The following KLRD1 variants were observed in gnomAD, a reference collection of about 807,000 sequenced individuals.
KLRD1 encodes killer cell lectin like receptor D1.
In KLRD1, 21 loss-of-function variants were observed where a neutral mutation model predicts 22.6. The observed-to-expected ratio is 0.93, with a 90% confidence interval of 0.66 to 1.34. The LOEUF (loss-of-function observed/expected upper bound fraction) is 1.34, where lower values mean the gene tolerates loss of function less well. Ranked by LOEUF, KLRD1 falls within the 40% of genes most tolerant of loss-of-function variation. The probability of loss-of-function intolerance (pLI) is 0.00; values close to 1 mark genes in which losing one functional copy is unlikely to be tolerated. For synonymous variants in KLRD1, 59 were observed against 71.1 expected, an observed-to-expected ratio of 0.83 and a Z score of 0.85; for missense variants, 183 against 208.6, an observed-to-expected ratio of 0.88 and a Z score of 0.76.
At chr12:10,307,277 G>A (rs1042256101), upstream of KLRD1, among the ~76,000 whole-genome samples, 9 of 152,168 alleles carry the variant, frequency 5.9e-5, no homozygotes, top group Non-Finnish European at 1.3e-4. Flanking sequence ...TTAAGAAAAT[G>A]AAAATTGAGG....
At chr12:10,305,328 G>C (rs540945940), upstream of KLRD1, among the ~76,000 whole-genome samples, 1 of 152,302 alleles carries the variant, frequency 6.6e-6, no homozygotes, top group African/African-American at 2.4e-5. Flanking sequence ...AGTGAAGCTG[G>C]ATATTTCAGC....
intron 1 of KLRD1, among the ~76,000 whole-genome samples, chr12:10,260,945 AAAC>A (rs781551396): frequency 5.2e-4 from 68 of 130,304 alleles, no homozygotes; most frequent in Admixed American, 7.3e-4. Flanking sequence ...CCATCACAAA[AAAC>A]AACAACAACA....
chr12:10,273,260 A>T (rs557417326), intron 1 of KLRD1, among the ~76,000 whole-genome samples: 1 of 152,186 alleles, frequency 6.6e-6, no homozygotes, highest in Non-Finnish European at 1.5e-5. Context: ...TCCATGATAC[A>T]TTAAGTGGAA....
chr12:10,329,419 A>C lies in KLRD1; in HGVS notation c.*14626A>C, dbSNP rs1029367968. On this transcript the variant is annotated 3_prime_UTR_variant, in exon 6 of 6. Coordinates refer to ENST00000336164, the MANE Select transcript of KLRD1 (RefSeq NM_002262.5). ...TTCTTAAGACTTCTTTTATGACCTAACATATGATCTATCCTGCAGAATGAT... is the reference window on the plus strand; with the variant it reads ...TTCTTAAGACTTCTTTTATGACCTACCATATGATCTATCCTGCAGAATGAT... The C allele has an allele frequency of 5.9e-5, 9 of 152,266 alleles. No individual in the cohort carries two copies. The highest frequency in any genetic ancestry group is 2.2e-4 in the African/African-American group (9 of 41,554). 9.4% of individuals were successfully genotyped at this position (152,266 alleles called of 1,614,324 possible).
intron 1 of KLRD1, among the ~76,000 whole-genome samples, chr12:10,253,709 C>T (rs1298967661): frequency 6.6e-6 from 1 of 152,098 alleles, no homozygotes; most frequent in Non-Finnish European, 1.5e-5. Context: ...AGGATAGTAG[C>T]CCCCAGCTCC....
At chr12:10,269,597 C>T (rs1949531034) in intron 1 of KLRD1, among the ~76,000 whole-genome samples, 1 of 152,118 alleles carries the variant, frequency 6.6e-6, no homozygotes, top group African/African-American at 2.4e-5. Flanking sequence ...TACGTATCTT[C>T]ATAGGAAATC....
In KLRD1 at chr12:10,315,163, A is replaced by G. The variant is rs185154375; in HGVS notation, c.*370A>G. 2.9e-3 allele frequency: 788 copies of G among 273,856 alleles called. 6 individuals carry two copies. The highest frequency in any genetic ancestry group is 0.017 in the African/African-American group (734 of 42,666). The allele number at this position is 273,856 out of a possible 1,614,324, so 17.0% of individuals were successfully genotyped here. ...AATAAAATTTAGAAAATAAAATTTA[A>G]CTCACACTGCCCAGGCTGGAGCATA... is the stretch of plus-strand genomic sequence containing the variant. On this transcript the variant is annotated 3_prime_UTR_variant, in exon 6 of 6. Transcript: ENST00000336164.
At chr12:10,309,129 T>C (rs1269204765) in intron 1 of KLRD1, 1 of 313,852 alleles carries the variant, frequency 3.2e-6, no homozygotes, top group Non-Finnish European at 5.8e-6. Context: ...TTAAAATAAA[T>C]GGTAAATTCA....
intron 1 of KLRD1, among the ~76,000 whole-genome samples, chr12:10,276,816 A>G (rs1315171254): frequency 1.3e-5 from 2 of 152,220 alleles, no homozygotes; most frequent in African/African-American, 4.8e-5. Context: ...TGCAATCTGG[A>G]CACAGAAAAA....
In KLRD1 at chr12:10,307,904, AT is replaced by A; in HGVS notation, c.-172del. The A allele has an allele frequency of 3.2e-6, 2 of 622,458 alleles. No homozygotes were observed. Among genetic ancestry groups the A allele is most frequent in the Non-Finnish European group, 5.7e-6 (2 of 348,408 alleles). The allele number at this position is 622,458 out of a possible 1,614,324, so 38.6% of individuals were successfully genotyped here. A position where few individuals can be genotyped will look rare whatever the true frequency, so the allele number is the denominator to read the frequency against. ...ATAATACATGTCTCACCAATAGATG[AT>A]TCAAGAACATCATTTAAATACACAA... is the stretch of plus-strand genomic sequence containing the variant. On this transcript the variant is annotated 5_prime_UTR_variant, in exon 1 of 6. It introduces an in-frame stop codon into an upstream open reading frame of the 5' UTR. Coordinates refer to ENST00000336164, the MANE Select transcript of KLRD1 (RefSeq NM_002262.5).
Position 10,322,286 on chromosome 12 carries a change from A to G in KLRD1, c.*7493A>G, listed in dbSNP as rs1194726627. 6.6e-6 allele frequency: 1 copy of G among 152,234 alleles called. No homozygotes were observed. Among genetic ancestry groups the G allele is most frequent in the African/African-American group, 2.4e-5 (1 of 41,442 alleles). 9.4% of individuals were successfully genotyped at this position (152,234 alleles called of 1,614,324 possible). A position where few individuals can be genotyped will look rare whatever the true frequency, so the allele number is the denominator to read the frequency against. ...GGTCTCCAACTCCTGGCCTCAAGTG[A>G]TCCACCTGCCTCGGCCTCCTGAAGT... is the stretch of plus-strand genomic sequence containing the variant. On this transcript the variant is annotated 3_prime_UTR_variant, in exon 6 of 6. Coordinates refer to ENST00000336164, the MANE Select transcript of KLRD1 (RefSeq NM_002262.5).
chr12:10,239,432 C>T lies in KLRD1; in HGVS notation c.-101+13199C>T, dbSNP rs141008455. On this transcript the variant is annotated intron_variant, in intron 1 of 5. Transcript: ENST00000544747. ...TCCTTCCTTCTTTCCATCCTTCCTT[C>T]CTTTCCTTCCTTCCTTCCTTCCTTC... 6.1e-3 allele frequency among the ~76,000 whole-genome samples: 194 copies of T among 32,012 alleles called. 15 individuals carry two copies. Among genetic ancestry groups the T allele is most frequent in the Admixed American group, 0.024 (50 of 2,110 alleles). The allele number at this position is 32,012 out of a possible 152,430, so 21.0% of individuals were successfully genotyped here.
intron 1 of KLRD1, among the ~76,000 whole-genome samples, chr12:10,265,516 G>A (rs1949490691): frequency 6.6e-6 from 1 of 152,200 alleles, no homozygotes; most frequent in Non-Finnish European, 1.5e-5. Flanking sequence ...CAGCACTTTG[G>A]GAGGCCGATG....
At position 10,296,851 on chromosome 12, in the gene KLRD1, G is replaced by A. The variant is rs117891507; in HGVS notation, c.-100-11127G>A. On this transcript the variant is annotated intron_variant, in intron 1 of 5. Coordinates refer to the KLRD1 transcript ENST00000544747. ...ATGTTTCGCTGTGTTTCCAACCAGG[G>A]GTTTATAAATTCTCTACTCTCTTTT... 7.1e-3 allele frequency among the ~76,000 whole-genome samples: 1,087 copies of A among 152,268 alleles called. 4 individuals carry two copies. The highest frequency in any genetic ancestry group is 0.013 in the Non-Finnish European group (908 of 68,012).
At chr12:10,251,109 G>A (rs1173238239) in intron 1 of KLRD1, among the ~76,000 whole-genome samples, 5 of 151,992 alleles carry the variant, frequency 3.3e-5, no homozygotes, top group Non-Finnish European at 2.9e-5. Context: ...TTGGGACAGT[G>A]AGTGATTATT....
chr12:10,311,689 T>G, intron 4 of KLRD1, 74 bp downstream of exon 4: 1 of 1,457,260 alleles, frequency 6.9e-7, no homozygotes, highest in Admixed American at 1.9e-5. Flanking sequence ...TTAAATACTT[T>G]GGTTTAAGTC....
intron 1 of KLRD1, among the ~76,000 whole-genome samples, chr12:10,293,160 A>AT (rs1317777095): frequency 9.1e-6 from 1 of 110,034 alleles, no homozygotes; most frequent in African/African-American, 3.0e-5. Context: ...CTTTCTCCAT[A>AT]TATATATACA....
intron 1 of KLRD1, among the ~76,000 whole-genome samples, chr12:10,255,152 A>C (rs992131635): frequency 6.6e-6 from 1 of 152,206 alleles, no homozygotes; most frequent in Non-Finnish European, 1.5e-5. Context: ...GTGGGGGTGT[A>C]AATTAGTTCA....
At chr12:10,280,528 G>T (rs760471924) in intron 1 of KLRD1, among the ~76,000 whole-genome samples, 2 of 151,988 alleles carry the variant, frequency 1.3e-5, no homozygotes, top group African/African-American at 4.8e-5. Flanking sequence ...TGATGTTCAC[G>T]CCGTGCTCCA....
Sources: allele counts gnomAD v4.1 joint callset (sites outside exome capture counted in the v4.1 genomes callset), GRCh38; gene constraint gnomAD v4.1.1; transcripts MANE v1.5; gene names NCBI Gene and HGNC (gene_info 2026-07-23, HGNC 2026-07-21).